ADAMTS12: variants seen among roughly 807,000 people sequenced by gnomAD.
ADAMTS12 encodes A disintegrin and metalloproteinase with thrombospondin motifs 12.
ADAMTS12 carries 118 observed loss-of-function variants against 167.8 expected under a neutral mutation model. The observed-to-expected ratio is 0.70, with a 90% CI of 0.61 to 0.82. The LOEUF (loss-of-function observed/expected upper bound fraction) is 0.82. ADAMTS12 is among the 40% of genes least tolerant of loss of function. ADAMTS12 has a pLI of 0.00. For synonymous variants in ADAMTS12, 704 were observed against 716.9 expected (o/e 0.98, Z 0.29); for missense variants, 1,916 against 1,998.8 (o/e 0.96, Z 0.79).
At chr5:33,689,711 A>G (rs1742481949) in intron 3 of ADAMTS12, among the ~76,000 whole-genome samples, 1 of 152,224 alleles carries the variant, frequency 6.6e-6, no homozygotes, top group South Asian at 2.1e-4. Context: ...CCCACTATTG[A>G]TAGCTGCTTG....
chr5:33,681,554 T>C (rs1420166196), intron 5 of ADAMTS12, among the ~76,000 whole-genome samples: 2 of 152,182 alleles, frequency 1.3e-5, no homozygotes, highest in Non-Finnish European at 2.9e-5. Flanking sequence ...ATGGAAGCCA[T>C]TATCACATTC....
chr5:33,694,013 T>A (rs1045615505), intron 3 of ADAMTS12, among the ~76,000 whole-genome samples: 3 of 151,888 alleles, frequency 2.0e-5, no homozygotes, highest in African/African-American at 7.3e-5. Context: ...ACCAACAACA[T>A]CCAAGCTGAG....
intron 2 of ADAMTS12, among the ~76,000 whole-genome samples, chr5:33,847,990 A>C (rs906058739): frequency 6.6e-6 from 1 of 152,136 alleles, no homozygotes; most frequent in Non-Finnish European, 1.5e-5. Flanking sequence ...CAAGGTGGTC[A>C]GATCACTTGA....
intron 2 of ADAMTS12, among the ~76,000 whole-genome samples, chr5:33,754,503 GCTAA>G (rs886736646): frequency 9.2e-5 from 14 of 152,130 alleles, no homozygotes; most frequent in Admixed American, 4.6e-4. Context: ...TCTGCATACT[GCTAA>G]CTGTCTTTTG....
chr5:33,873,774 C>T (rs1750127695), intron 2 of ADAMTS12, among the ~76,000 whole-genome samples: 1 of 152,158 alleles, frequency 6.6e-6, no homozygotes, highest in African/African-American at 2.4e-5. Context: ...ATCAACTTAT[C>T]TTTGACAAAG....
chr5:33,553,571 G>A (rs531875927), intron 20 of ADAMTS12, among the ~76,000 whole-genome samples: 12 of 152,318 alleles, frequency 7.9e-5, no homozygotes, highest in African/African-American at 2.9e-4. Flanking sequence ...CAGGAACATG[G>A]TTGGAGCTGG....
intron 2 of ADAMTS12, among the ~76,000 whole-genome samples, chr5:33,872,505 C>G (rs1317344105): frequency 6.6e-6 from 1 of 151,186 alleles, no homozygotes; most frequent in Non-Finnish European, 1.5e-5. Context: ...CGAGATTGTG[C>G]TACTGCACTC....
At chr5:33,548,411 T>A (rs906114048) in intron 21 of ADAMTS12, among the ~76,000 whole-genome samples, 15 of 152,198 alleles carry the variant, frequency 9.9e-5, no homozygotes, top group African/African-American at 3.4e-4. Flanking sequence ...GGGTTAAAAA[T>A]GCCTACCATC....
At chr5:33,677,002 C>A (rs1188066023) in intron 5 of ADAMTS12, among the ~76,000 whole-genome samples, 1 of 152,136 alleles carries the variant, frequency 6.6e-6, no homozygotes, top group Admixed American at 6.5e-5. Flanking sequence ...CATTAGGCTC[C>A]TCCACTGGAT....
intron 7 of ADAMTS12, among the ~76,000 whole-genome samples, chr5:33,655,285 A>G (rs1442529809): frequency 6.6e-6 from 1 of 152,106 alleles, no homozygotes; most frequent in African/African-American, 2.4e-5. Flanking sequence ...TCCAGAGCCA[A>G]TTAGACTGCT....
intron 2 of ADAMTS12, among the ~76,000 whole-genome samples, chr5:33,753,234 A>G (rs542514773): frequency 6.6e-6 from 1 of 152,388 alleles, no homozygotes; most frequent in South Asian, 2.1e-4. Context: ...ACCAACGCCA[A>G]TAGCAGTTAC....
chr5:33,831,798 T>A (rs1748309639), intron 2 of ADAMTS12, among the ~76,000 whole-genome samples: 1 of 152,234 alleles, frequency 6.6e-6, no homozygotes, highest in Non-Finnish European at 1.5e-5. Context: ...ATTGCCATGA[T>A]AAATGACCAG....
intron 2 of ADAMTS12, among the ~76,000 whole-genome samples, chr5:33,827,523 CA>C (rs1287716343): frequency 2.0e-5 from 3 of 152,020 alleles, no homozygotes; most frequent in Non-Finnish European, 4.4e-5. Flanking sequence ...GGTATTGTTC[CA>C]AACTTTCTAA....
chr5:33,675,188 C>T (rs1741856852), intron 5 of ADAMTS12, among the ~76,000 whole-genome samples: 1 of 152,114 alleles, frequency 6.6e-6, no homozygotes, highest in African/African-American at 2.4e-5. Context: ...GAGAATGGAG[C>T]AGCAGATGAT....
At chr5:33,701,241 C>T (rs1345522984) in intron 3 of ADAMTS12, among the ~76,000 whole-genome samples, 2 of 152,218 alleles carry the variant, frequency 1.3e-5, no homozygotes, top group Non-Finnish European at 2.9e-5. Context: ...TCTCCAGGTT[C>T]TACTCCCCAA....
intron 2 of ADAMTS12, among the ~76,000 whole-genome samples, chr5:33,763,525 A>G (rs1224187426): frequency 6.6e-6 from 1 of 152,218 alleles, no homozygotes; most frequent in Admixed American, 6.5e-5. Context: ...GTTTTATGTC[A>G]CTTTGTGGTG....
At chr5:33,540,825 T>G (rs1744658279) in intron 22 of ADAMTS12, among the ~76,000 whole-genome samples, 1 of 152,210 alleles carries the variant, frequency 6.6e-6, no homozygotes, top group South Asian at 2.1e-4. Context: ...AAACCCCATC[T>G]GTAGGTCACC....
chr5:33,616,669 T>C (rs1293724887), intron 14 of ADAMTS12, among the ~76,000 whole-genome samples: 1 of 152,240 alleles, frequency 6.6e-6, no homozygotes, highest in Non-Finnish European at 1.5e-5. Flanking sequence ...GTTGGACGAT[T>C]CTATTCATTA....
chr5:33,709,307 G>T (rs1743309895), intron 3 of ADAMTS12, among the ~76,000 whole-genome samples: 1 of 152,146 alleles, frequency 6.6e-6, no homozygotes, highest in Admixed American at 6.5e-5. Flanking sequence ...ATTCCTCAAA[G>T]ACCTAGAACC....
Sources: gnomAD v4.1 joint callset for allele counts (sites outside exome capture counted in the v4.1 genomes callset) on GRCh38, gnomAD v4.1.1 for gene constraint, MANE v1.5 for transcripts, NCBI Gene and HGNC (gene_info 2026-07-23, HGNC 2026-07-21) for gene names.